The following PHF24 variants were observed in gnomAD, a reference collection of about 807,000 sequenced individuals.
PHF24 encodes the protein Galpha inhibitory interacting protein.
PHF24 carries 25 observed loss-of-function variants against 42.6 expected under a neutral mutation model. That is an observed-to-expected ratio of 0.59 (90% CI 0.43 to 0.82). The LOEUF (loss-of-function observed/expected upper bound fraction) is 0.82. Among genes scored for constraint, PHF24 ranks in the 40% least tolerant of loss-of-function variants. PHF24 has a pLI of 0.00. For missense variants in PHF24, 470 were observed against 538.1 expected (o/e 0.87, Z 1.25); for synonymous variants, 185 against 204.8 (o/e 0.90, Z 0.83).
the PHF24 span, among the ~76,000 whole-genome samples, chr9:34,750,382 T>C: frequency 6.6e-6 from 1 of 151,808 alleles, no homozygotes; most frequent in Admixed American, 6.6e-5. Flanking sequence ...CCCAGCTACT[T>C]AGGAGGGTGT....
the PHF24 span, among the ~76,000 whole-genome samples, chr9:34,721,399 T>TTCTCTCTCTCTCTCTCTCTC: frequency 4.3e-5 from 6 of 139,340 alleles, no homozygotes; most frequent in African/African-American, 1.7e-4. Context: ...TGTCTTTCCA[T>TTCTCTCTCTCTCTCTCTCTC]TCTCTCTCTC....
the PHF24 span, among the ~76,000 whole-genome samples, chr9:34,782,662 G>A: frequency 1.2e-4 from 18 of 152,262 alleles, no homozygotes; most frequent in Non-Finnish European, 2.6e-4. Context: ...CTGACTTAGA[G>A]AGGCATTTAT....
the PHF24 span, among the ~76,000 whole-genome samples, chr9:34,939,886 T>C: frequency 6.6e-6 from 1 of 151,584 alleles, no homozygotes; most frequent in South Asian, 2.1e-4. Context: ...TACTCTCCCT[T>C]CTCCATTCTA....
the PHF24 span, among the ~76,000 whole-genome samples, chr9:34,897,567 A>G: frequency 1.3e-5 from 2 of 152,256 alleles, no homozygotes; most frequent in Admixed American, 1.3e-4. Context: ...CAACTTAAAA[A>G]CAACCAAAAA....
the PHF24 span, among the ~76,000 whole-genome samples, chr9:34,923,882 G>T: frequency 2.6e-5 from 4 of 151,460 alleles, no homozygotes; most frequent in African/African-American, 7.3e-5. Flanking sequence ...TAGGTTTTTA[G>T]ATGCATCATT....
the PHF24 span, among the ~76,000 whole-genome samples, chr9:34,779,795 G>A: frequency 6.6e-5 from 10 of 152,226 alleles, no homozygotes; most frequent in Non-Finnish European, 1.3e-4. Context: ...GCGCGATCTT[G>A]GCTCACTGCA....
chr9:34,777,415 G>C, the PHF24 span, among the ~76,000 whole-genome samples: 3 of 152,280 alleles, frequency 2.0e-5, no homozygotes, highest in East Asian at 1.9e-4. Flanking sequence ...AGATGCCAAT[G>C]GTGGTGGATT....
the PHF24 span, among the ~76,000 whole-genome samples, chr9:34,719,638 C>T: frequency 6.6e-6 from 1 of 152,186 alleles, no homozygotes; most frequent in Non-Finnish European, 1.5e-5. Flanking sequence ...CAGGTGGGAG[C>T]CTGTAGGGAA....
the PHF24 span, among the ~76,000 whole-genome samples, chr9:34,875,543 T>G: frequency 0.013 from 1,999 of 152,238 alleles, 33 homozygotes; most frequent in South Asian, 0.049. Flanking sequence ...TCTATAAACA[T>G]TTATAAAAAT....
the PHF24 span, among the ~76,000 whole-genome samples, chr9:34,885,066 T>G: frequency 6.6e-6 from 1 of 152,220 alleles, no homozygotes; most frequent in Admixed American, 6.5e-5. Flanking sequence ...TCACTCTGTG[T>G]CTTCCTCCTA....
chr9:34,758,199 G>A, the PHF24 span, among the ~76,000 whole-genome samples: 1 of 152,224 alleles, frequency 6.6e-6, no homozygotes, highest in Admixed American at 6.5e-5. The surrounding 1 kb of genome is among the most constrained non-coding windows in gnomAD (Gnocchi z 4.4). Flanking sequence ...AGCCCTGCAG[G>A]GATGTTTCTC....
chr9:34,710,749 C>T, the PHF24 span, among the ~76,000 whole-genome samples: 1 of 152,076 alleles, frequency 6.6e-6, no homozygotes, highest in Non-Finnish European at 1.5e-5. Flanking sequence ...GCTGGGACCA[C>T]AGGCACATGC....
chr9:34,862,739 G>A, the PHF24 span, among the ~76,000 whole-genome samples: 1 of 151,792 alleles, frequency 6.6e-6, no homozygotes, highest in African/African-American at 2.4e-5. Context: ...ATGGGGGAAA[G>A]TGCCTTCTGC....
the PHF24 span, among the ~76,000 whole-genome samples, chr9:34,692,252 A>G: frequency 6.6e-6 from 1 of 152,202 alleles, no homozygotes; most frequent in Non-Finnish European, 1.5e-5. Context: ...TTCATTAATC[A>G]TAATAATAGT....
the PHF24 span, among the ~76,000 whole-genome samples, chr9:34,712,701 T>C: frequency 6.6e-6 from 1 of 152,174 alleles, no homozygotes; most frequent in Non-Finnish European, 1.5e-5. Flanking sequence ...TTGCCCATGG[T>C]TTCCTTCAGC....
At chr9:34,886,550 G>C in the PHF24 span, among the ~76,000 whole-genome samples, 7 of 152,090 alleles carry the variant, frequency 4.6e-5, no homozygotes, top group South Asian at 1.5e-3. Context: ...TCCTTTCTTG[G>C]CTTCCAGTAT....
At chr9:34,776,846 C>T in the PHF24 span, among the ~76,000 whole-genome samples, 1 of 152,090 alleles carries the variant, frequency 6.6e-6, no homozygotes, top group South Asian at 2.1e-4. Flanking sequence ...GGTCCCTCTT[C>T]CAATTATTTG....
intron 1 of PHF24, among the ~76,000 whole-genome samples, chr9:34,964,326 T>C (rs372026463): frequency 6.6e-6 from 1 of 152,188 alleles, no homozygotes; most frequent in Non-Finnish European, 1.5e-5. Context: ...GGAGAATCAC[T>C]TGAGCCCAGG....
the PHF24 span, among the ~76,000 whole-genome samples, chr9:34,747,469 C>G: frequency 6.6e-6 from 1 of 152,090 alleles, no homozygotes; most frequent in Non-Finnish European, 1.5e-5. Flanking sequence ...GACAACCCAA[C>G]AGACAAATGA....
Sources: allele counts gnomAD v4.1 joint callset (sites outside exome capture counted in the v4.1 genomes callset), GRCh38; gene constraint gnomAD v4.1.1; non-coding constraint Gnocchi (gnomAD v3.1); transcripts MANE v1.5; gene names NCBI Gene and HGNC (gene_info 2026-07-23, HGNC 2026-07-21).